The following SGPP1 variants were observed in gnomAD, a reference collection of about 807,000 sequenced individuals.
SGPP1 encodes hSPP1.
In SGPP1, 21 loss-of-function variants were observed where a neutral mutation model predicts 33.0. The ratio of observed to expected loss-of-function variants is 0.64; its 90% CI spans 0.45 to 0.92. The LOEUF (loss-of-function observed/expected upper bound fraction) is 0.92. Among genes scored for constraint, SGPP1 ranks in the 40% least tolerant of loss-of-function variants. The probability of loss-of-function intolerance (pLI) is 0.00; values close to 1 mark genes in which losing one functional copy is unlikely to be tolerated. For missense variants in SGPP1, 543 were observed against 589.4 expected (o/e 0.92, Z 0.81); for synonymous variants, 239 against 241.2 (o/e 0.99, Z 0.08).
intron 1 of SGPP1, 26 bp downstream of exon 1, chr14:63,727,235 C>A (rs1294328455): frequency 1.3e-6 from 2 of 1,580,268 alleles, no homozygotes; most frequent in East Asian, 2.2e-5. Context: ...CTCCCCCAGG[C>A]TGAACAGGAC....
At chr14:63,718,265 G>A (rs192904701) in intron 1 of SGPP1, among the ~76,000 whole-genome samples, 227 of 150,376 alleles carry the variant, frequency 1.5e-3, no homozygotes, top group African/African-American at 5.3e-3. Context: ...AAAAAAAGAA[G>A]TGCCAAGAGA....
chr14:63,688,725 CT>C (rs1051862998), intron 2 of SGPP1, among the ~76,000 whole-genome samples: 157 of 115,874 alleles, frequency 1.4e-3, no homozygotes, highest in Admixed American at 1.3e-3. Flanking sequence ...TTTTTTTTTT[CT>C]TTTTTTTTTT....
intron 1 of SGPP1, among the ~76,000 whole-genome samples, chr14:63,719,456 C>T (rs1423135185): frequency 1.3e-5 from 2 of 151,840 alleles, no homozygotes; most frequent in Admixed American, 1.3e-4. Flanking sequence ...TTATGACAGG[C>T]AATTTTACGT....
intron 1 of SGPP1, among the ~76,000 whole-genome samples, chr14:63,724,578 G>A (rs1885836615): frequency 7.4e-6 from 1 of 135,672 alleles, no homozygotes; most frequent in African/African-American, 2.8e-5. Context: ...CTGAAGCAAA[G>A]GAAGGTACTT....
At position 63,685,951 on chromosome 14, in the gene SGPP1, A is replaced by G. The variant is rs1566815482; in HGVS notation, c.*154T>C. The G allele has an allele frequency of 1.9e-6, 1 of 518,578 alleles. No homozygotes were observed. The highest frequency in any genetic ancestry group is 3.7e-5 in the Admixed American group (1 of 27,276). 32.1% of individuals were successfully genotyped at this position (518,578 alleles called of 1,614,324 possible). A position where few individuals can be genotyped will look rare whatever the true frequency, so the allele number is the denominator to read the frequency against. ...ACCTAAAACAGTATCTGGATGTGCA[A>G]TGATAAAATGCACTGACTCTTATGA... On this transcript the variant is annotated 3_prime_UTR_variant, in exon 3 of 3. Transcript: ENST00000247225.
At chr14:63,720,128 A>C (rs989930293) in intron 1 of SGPP1, among the ~76,000 whole-genome samples, 11 of 121,566 alleles carry the variant, frequency 9.0e-5, no homozygotes, top group African/African-American at 1.8e-4. Flanking sequence ...GCATCTCACA[A>C]AAAAAAAAAA....
chr14:63,686,585 GTCAA>G lies in SGPP1; in HGVS notation c.842_845del (p.Ile281ThrfsTer19). On this transcript the variant is annotated frameshift_variant, in exon 3 of 3. Coordinates refer to ENST00000247225, the MANE Select transcript of SGPP1 (RefSeq NM_030791.4). LOFTEE classifies it high-confidence loss of function. ...CATATTTGTGAGTTTGGTTGAAGTTGTCAATCAGGTCCACAAATGGATAGAAGAC... is the reference window on the plus strand; with the variant it reads ...CATATTTGTGAGTTTGGTTGAAGTTGTCAGGTCCACAAATGGATAGAAGAC... 6.2e-7 allele frequency: 1 copy of G among 1,613,744 alleles called. No homozygotes were observed. Among genetic ancestry groups the G allele is most frequent in the Non-Finnish European group, 8.5e-7 (1 of 1,179,726 alleles).
chr14:63,720,670 G>A (rs1885752555), intron 1 of SGPP1, among the ~76,000 whole-genome samples: 1 of 152,132 alleles, frequency 6.6e-6, no homozygotes, highest in African/African-American at 2.4e-5. Context: ...TGAGGCAGGA[G>A]AATCACTTGA....
At chr14:63,706,677 T>C (rs1387071798) in intron 1 of SGPP1, among the ~76,000 whole-genome samples, 1 of 152,186 alleles carries the variant, frequency 6.6e-6, no homozygotes, top group Non-Finnish European at 1.5e-5. Context: ...TATCATTCAG[T>C]TCCTGGCCTC....
chr14:63,700,065 C>A (rs1273489624), intron 1 of SGPP1, among the ~76,000 whole-genome samples: 1 of 151,444 alleles, frequency 6.6e-6, no homozygotes, highest in African/African-American at 2.4e-5. Context: ...CAGGCTCAAG[C>A]AATCCTCCTG....
chr14:63,712,051 G>A (rs776660318), intron 1 of SGPP1, among the ~76,000 whole-genome samples: 17 of 150,208 alleles, frequency 1.1e-4, no homozygotes, highest in Non-Finnish European at 2.2e-4. Flanking sequence ...AAAAAAATCT[G>A]AGTACCTTTA....
intron 1 of SGPP1, among the ~76,000 whole-genome samples, chr14:63,713,516 C>T (rs1021525421): frequency 5.3e-5 from 8 of 152,092 alleles, no homozygotes; most frequent in Non-Finnish European, 2.9e-5. Context: ...CAGTCATAAT[C>T]CCAAAAGATA....
intron 1 of SGPP1, among the ~76,000 whole-genome samples, chr14:63,716,438 G>A (rs1424984371): frequency 1.3e-5 from 2 of 151,874 alleles, no homozygotes; most frequent in African/African-American, 4.8e-5. Flanking sequence ...AGGTTGCAGT[G>A]AGCCAATATC....
intron 1 of SGPP1, among the ~76,000 whole-genome samples, chr14:63,720,785 A>G (rs1055647672): frequency 2.0e-5 from 3 of 152,048 alleles, no homozygotes; most frequent in African/African-American, 4.8e-5. Flanking sequence ...AAACAACTAT[A>G]TAAATGTATG....
Position 63,688,750 on chromosome 14 carries a change from CT to C in SGPP1, c.775-2095del, listed in dbSNP as rs1438448212. Among the ~76,000 whole-genome samples the C allele has an allele frequency of 2.1e-5, 3 of 143,772 alleles. 1 individual carries two copies. Among genetic ancestry groups the C allele is most frequent in the African/African-American group, 7.8e-5 (3 of 38,542 alleles). 94.3% of individuals were successfully genotyped at this position (143,772 alleles called of 152,430 possible). A position where few individuals can be genotyped will look rare whatever the true frequency, so the allele number is the denominator to read the frequency against. ...CTTTTTTTTTTTTTTGAGATGGAGTCTCGCTCTGTTGCCCAGGCTGGAATGC... is the reference window on the plus strand; with the variant it reads ...CTTTTTTTTTTTTTTGAGATGGAGTCCGCTCTGTTGCCCAGGCTGGAATGC... On this transcript the variant is annotated intron_variant, in intron 2 of 2. Transcript: ENST00000247225.
chr14:63,712,719 G>T (rs1270517404), intron 1 of SGPP1, among the ~76,000 whole-genome samples: 5 of 148,466 alleles, frequency 3.4e-5, no homozygotes, highest in Non-Finnish European at 5.9e-5. Context: ...CCAGGCTGGA[G>T]TACAATGGCA....
intron 2 of SGPP1, among the ~76,000 whole-genome samples, chr14:63,688,593 C>T (rs1885030526): frequency 6.6e-6 from 1 of 152,100 alleles, no homozygotes; most frequent in African/African-American, 2.4e-5. Flanking sequence ...TACTGAAAAA[C>T]TTATCAATGT....
At chr14:63,687,585 T>C (rs1487082278) in intron 2 of SGPP1, among the ~76,000 whole-genome samples, 1 of 152,222 alleles carries the variant, frequency 6.6e-6, no homozygotes, top group Non-Finnish European at 1.5e-5. Context: ...GTGGTGACAG[T>C]TGAGCACAGA....
rs535548602 is a variant in SGPP1 at position 63,726,664 on chromosome 14, T to C, written c.684+597A>G. On this transcript the variant is annotated intron_variant, in intron 1 of 2. Coordinates refer to ENST00000247225, the MANE Select transcript of SGPP1 (RefSeq NM_030791.4). Reference sequence around the variant, plus strand: ...TGATCCAGAAGATAATCAAACTTTATCAGCAAAGTAGCAACCACACCCCTT... The same window carrying C: ...TGATCCAGAAGATAATCAAACTTTACCAGCAAAGTAGCAACCACACCCCTT... Among the ~76,000 whole-genome samples, 58 of 152,320 alleles carry C rather than the reference T, an allele frequency of 3.8e-4. 1 individual carries two copies. Among genetic ancestry groups the C allele is most frequent in the African/African-American group, 1.4e-3 (57 of 41,576 alleles).
Sources: gnomAD v4.1 joint callset for allele counts (sites outside exome capture counted in the v4.1 genomes callset) on GRCh38, gnomAD v4.1.1 for gene constraint, MANE v1.5 for transcripts, NCBI Gene and HGNC (gene_info 2026-07-23, HGNC 2026-07-21) for gene names.